NME9: variants seen among roughly 807,000 people sequenced by gnomAD.
NME9 encodes thioredoxin domain-containing protein 6.
A neutral mutation model predicts 44.4 loss-of-function variants in NME9; 48 were observed. That is an observed-to-expected ratio of 1.08 (90% CI 0.86 to 1.37). NME9 has a LOEUF of 1.37. NME9 is among the 40% of genes most tolerant of loss of function. NME9 has a pLI of 0.00. For synonymous variants in NME9, 139 were observed against 147.1 expected, an observed-to-expected ratio of 0.94 and a Z score of 0.40; for missense variants, 325 against 405.2, an observed-to-expected ratio of 0.80 and a Z score of 1.70.
chr3:138,296,240 G>A (rs151092564), downstream of NME9: 12 of 209,648 alleles, frequency 5.7e-5, no homozygotes, highest in South Asian at 9.7e-5. Flanking sequence ...ACAGGCATGC[G>A]TGTGTATGTG....
Position 138,310,855 on chromosome 3 carries a change from C to T in NME9, c.460+3477G>A, listed in dbSNP as rs184597399. On this transcript the variant is annotated intron_variant, in intron 6 of 10. Coordinates refer to ENST00000333911, the MANE Select transcript of NME9 (RefSeq NM_001349018.2). ...ATAACCGAATGGATGCACCCAAATGCGCTAAAAAAGCAATAACCAAACCCC... is the reference window on the plus strand; with the variant it reads ...ATAACCGAATGGATGCACCCAAATGTGCTAAAAAAGCAATAACCAAACCCC... Among the ~76,000 whole-genome samples the T allele has an allele frequency of 3.6e-3, 541 of 151,788 alleles. 2 individuals carry two copies. The highest frequency in any genetic ancestry group is 7.4e-3 in the African/African-American group (306 of 41,304).
intron 8 of NME9, among the ~76,000 whole-genome samples, chr3:138,276,465 G>C (rs2049303768): frequency 6.6e-6 from 1 of 152,040 alleles, no homozygotes; most frequent in Non-Finnish European, 1.5e-5. Context: ...TTCCTACCAA[G>C]CACAAGAAGG....
At chr3:138,315,704 TGG>T in intron 4 of NME9, 61 bp from the exon 5 acceptor site, 6 of 1,325,048 alleles carry the variant, frequency 4.5e-6, no homozygotes, top group Non-Finnish European at 6.3e-6. Flanking sequence ...TTGTAAGAGA[TGG>T]CAAGAGTGTC....
At chr3:138,268,872 G>A (rs1364163350) in intron 8 of NME9, among the ~76,000 whole-genome samples, 1 of 152,128 alleles carries the variant, frequency 6.6e-6, no homozygotes, top group Non-Finnish European at 1.5e-5. Context: ...CAAAATTAGA[G>A]TATGGGCTAT....
intron 8 of NME9, chr3:138,273,108 A>G: frequency 1.2e-6 from 2 of 1,603,048 alleles, no homozygotes; most frequent in African/African-American, 1.3e-5. Context: ...TCTCCTCTCC[A>G]CTCGTCCTGT....
At chr3:138,327,583 C>T (rs1384151902) in intron 1 of NME9, among the ~76,000 whole-genome samples, 2 of 152,148 alleles carry the variant, frequency 1.3e-5, no homozygotes, top group Non-Finnish European at 2.9e-5. Context: ...CCCAGACTGT[C>T]CCTTGATGTC....
chr3:138,300,495 C>T (rs1052354100), downstream of NME9, among the ~76,000 whole-genome samples: 2 of 152,154 alleles, frequency 1.3e-5, no homozygotes, highest in South Asian at 2.1e-4. Context: ...AAAAGTATGC[C>T]GGCACTTGGC....
intron 8 of NME9, among the ~76,000 whole-genome samples, chr3:138,291,755 A>T (rs2050974317): frequency 6.6e-6 from 1 of 152,196 alleles, no homozygotes; most frequent in African/African-American, 2.4e-5. Flanking sequence ...AAATGCATAG[A>T]GGAAGAGTAT....
chr3:138,306,330 C>T, intron 7 of NME9, 68 bp downstream of exon 7: 1 of 1,182,688 alleles, frequency 8.5e-7, no homozygotes, highest in East Asian at 2.3e-5. Context: ...TGCCCAGTGC[C>T]CCATCCCTGT....
Position 138,301,549 on chromosome 3 carries a change from T to C in NME9, c.*91A>G. The C allele has an allele frequency of 6.6e-7, 1 of 1,508,168 alleles. No homozygotes were observed. The highest frequency in any genetic ancestry group is 8.8e-7 in the Non-Finnish European group (1 of 1,133,858). 93.4% of individuals were successfully genotyped at this position (1,508,168 alleles called of 1,614,324 possible). On this transcript the variant is annotated 3_prime_UTR_variant, in exon 11 of 11. Transcript: ENST00000333911. ...CAAAAGACAGCTAAACCAAAAAGTATTGGTACTCAAAAGAGTAAGTTCCGA... is the reference window on the plus strand; with the variant it reads ...CAAAAGACAGCTAAACCAAAAAGTACTGGTACTCAAAAGAGTAAGTTCCGA...
intron 8 of NME9, among the ~76,000 whole-genome samples, chr3:138,290,167 T>A (rs573177865): frequency 3.3e-5 from 5 of 151,174 alleles, no homozygotes; most frequent in South Asian, 2.1e-4. Flanking sequence ...CTGCTTAGAG[T>A]AGTAAGAGCC....
chr3:138,264,394 A>G lies in NME9; in HGVS notation c.746-1808T>C, dbSNP rs946454566. ...AATGCTTCATGTGTGAGGGGGAACT[A>G]CAGGCCTGATTTTCTTTCTTTTTTT... is the stretch of plus-strand genomic sequence containing the variant. On this transcript the variant is annotated intron_variant, in intron 8 of 8. Coordinates refer to the NME9 transcript ENST00000317876. Among the ~76,000 whole-genome samples, 8 of 147,780 alleles carry G rather than the reference A, an allele frequency of 5.4e-5. No individual in the cohort carries two copies. The South Asian group carries it at 8.6e-4, about 16-fold the overall frequency.
At chr3:138,297,671 C>T (rs1228812187), downstream of NME9, 1 of 152,156 alleles carries the variant, frequency 6.6e-6, no homozygotes, top group Non-Finnish European at 1.5e-5. Context: ...TTCAGAACAT[C>T]ACCGATTTTA....
chr3:138,273,851 C>T (rs1296502994), intron 8 of NME9, among the ~76,000 whole-genome samples: 5 of 150,060 alleles, frequency 3.3e-5, no homozygotes, highest in South Asian at 2.1e-4. Context: ...GAGTCTTGCT[C>T]TTTCCCCCAG....
In NME9 at chr3:138,280,524, C is replaced by T. The variant is rs576041867; in HGVS notation, c.746-17938G>A. On this transcript the variant is annotated intron_variant, in intron 8 of 8. Coordinates refer to the NME9 transcript ENST00000317876. Reference sequence around the variant, plus strand: ...TTTTTTTTTTTTTGAGACAGTCTCTCGCTCTGTCGCCCAGGCTGGAGTGCA... The same window carrying T: ...TTTTTTTTTTTTTGAGACAGTCTCTTGCTCTGTCGCCCAGGCTGGAGTGCA... 4.9e-4 allele frequency among the ~76,000 whole-genome samples: 73 copies of T among 149,148 alleles called. 1 individual carries two copies. The highest frequency in any genetic ancestry group is 4.0e-3 in the South Asian group (19 of 4,708).
chr3:138,307,163 C>T (rs1418643190), intron 6 of NME9, among the ~76,000 whole-genome samples: 2 of 152,228 alleles, frequency 1.3e-5, no homozygotes, highest in Non-Finnish European at 2.9e-5. Flanking sequence ...TTGCCCCACT[C>T]ATTGGTTTTA....
At chr3:138,277,043 A>G (rs956968486) in intron 8 of NME9, among the ~76,000 whole-genome samples, 1 of 152,232 alleles carries the variant, frequency 6.6e-6, no homozygotes, top group African/African-American at 2.4e-5. Context: ...TACAGTAGTA[A>G]TGAAGACAGT....
chr3:138,270,938 A>G (rs182723413), intron 8 of NME9, among the ~76,000 whole-genome samples: 1 of 152,288 alleles, frequency 6.6e-6, no homozygotes, highest in Admixed American at 6.5e-5. Context: ...TGGGCGTTTT[A>G]TATTTATCCC....
At chr3:138,288,841 T>TTAA (rs2050676926) in intron 8 of NME9, among the ~76,000 whole-genome samples, 1 of 152,184 alleles carries the variant, frequency 6.6e-6, no homozygotes, top group South Asian at 2.1e-4. Flanking sequence ...TTTCACTGTG[T>TTAA]TAATCATCCT....
Sources: allele counts gnomAD v4.1 joint callset (sites outside exome capture counted in the v4.1 genomes callset), GRCh38; gene constraint gnomAD v4.1.1; transcripts MANE v1.5; gene names NCBI Gene and HGNC (gene_info 2026-07-23, HGNC 2026-07-21).